VCL: variants seen among roughly 807,000 people sequenced by gnomAD.
The protein encoded by VCL is epididymis luminal protein 114.
A neutral mutation model predicts 125.7 loss-of-function variants in VCL; 47 were observed. That is an observed-to-expected ratio of 0.37 (90% CI 0.30 to 0.48). VCL has a LOEUF of 0.48. Among genes scored for constraint, VCL ranks in the 20% least tolerant of loss-of-function variants. The probability of loss-of-function intolerance (pLI) is 0.99; values close to 1 mark genes in which losing one functional copy is unlikely to be tolerated. For missense variants in VCL, 1,069 were observed against 1,455.5 expected, an observed-to-expected ratio of 0.73 and a Z score of 4.32; for synonymous variants, 458 against 514.6, an observed-to-expected ratio of 0.89 and a Z score of 1.49.
At chr10:74,039,817 T>C (rs1469621784) in intron 1 of VCL, among the ~76,000 whole-genome samples, 2 of 152,146 alleles carry the variant, frequency 1.3e-5, no homozygotes, top group Non-Finnish European at 2.9e-5. Context: ...ATTAATCTCT[T>C]GTTTAGAACT....
intron 6 of VCL, chr10:74,076,089 T>C (rs1249810611): frequency 1.3e-5 from 2 of 152,690 alleles, no homozygotes; most frequent in Non-Finnish European, 2.9e-5. Flanking sequence ...TCTTTTGTTT[T>C]ATTCTTTTTC....
At chr10:74,011,281 G>A (rs1197906730) in intron 1 of VCL, among the ~76,000 whole-genome samples, 1 of 151,866 alleles carries the variant, frequency 6.6e-6, no homozygotes, top group African/African-American at 2.4e-5. Flanking sequence ...TAGGTAAAAA[G>A]GAACTTGTAT....
At chr10:74,009,281 C>T (rs536155252) in intron 1 of VCL, among the ~76,000 whole-genome samples, 45 of 110,088 alleles carry the variant, frequency 4.1e-4, no homozygotes, top group East Asian at 2.1e-3. Flanking sequence ...TTTTTTGAGA[C>T]GGAGTCTCGC....
intron 2 of VCL, among the ~76,000 whole-genome samples, chr10:74,063,513 A>G (rs563377340): frequency 6.6e-6 from 1 of 152,278 alleles, no homozygotes; most frequent in East Asian, 1.9e-4. Flanking sequence ...CTCTGCTTTC[A>G]TTATCATACC....
At chr10:74,066,860 C>T (rs1392147933) in intron 2 of VCL, among the ~76,000 whole-genome samples, 1 of 151,826 alleles carries the variant, frequency 6.6e-6, no homozygotes, top group Admixed American at 6.6e-5. Context: ...TTAGTAGAGA[C>T]GGGGTTTCAC....
chr10:74,012,491 G>A (rs1185313465), intron 1 of VCL, among the ~76,000 whole-genome samples: 1 of 152,140 alleles, frequency 6.6e-6, no homozygotes, highest in Non-Finnish European at 1.5e-5. Flanking sequence ...CAATATAATT[G>A]TTGCAGAATT....
chr10:74,001,422 C>T (rs1321956674), intron 1 of VCL, among the ~76,000 whole-genome samples: 5 of 152,152 alleles, frequency 3.3e-5, no homozygotes, highest in African/African-American at 1.2e-4. Flanking sequence ...GCCTTGGCCT[C>T]TCAAAGTGCT....
chr10:74,018,201 TAAATAC>T (rs1341132615), intron 1 of VCL, among the ~76,000 whole-genome samples: 36 of 139,728 alleles, frequency 2.6e-4, no homozygotes, highest in Non-Finnish European at 4.2e-4. Flanking sequence ...TATATATATA[TAAATAC>T]ATATATATAT....
intron 2 of VCL, among the ~76,000 whole-genome samples, chr10:74,053,529 C>T (rs1389760441): frequency 2.0e-5 from 3 of 151,880 alleles, no homozygotes; most frequent in Non-Finnish European, 4.4e-5. Flanking sequence ...AAATTCTTTT[C>T]TCATATTTAT....
chr10:74,121,051 A>G (rs1468336480), downstream of VCL: 2 of 152,116 alleles, frequency 1.3e-5, no homozygotes, highest in Non-Finnish European at 2.9e-5. Flanking sequence ...GATGATATTG[A>G]TATTTAGTGT....
Position 74,108,986 on chromosome 10 carries a change from G to T in VCL, c.2575G>T (p.Ala859Ser). 2 of 1,614,144 alleles carry T rather than the reference G, an allele frequency of 1.2e-6. No individual in the cohort carries two copies. Among genetic ancestry groups the T allele is most frequent in the Non-Finnish European group, 1.7e-6 (2 of 1,180,014 alleles). Residue 859 changes from alanine (A) to serine (S), a missense_variant, in exon 18 of 22, where the codon GCT becomes TCT. Around this residue, in one of 6 missense-constraint regions of VCL, gnomAD observed 760 missense variants for 928.9 expected, o/e 0.82. Coordinates refer to ENST00000211998, the MANE Select transcript of VCL (RefSeq NM_014000.3). The stretch of plus-strand genomic sequence containing the variant: ...TCTTTTTTAGCTAACAGATGAGCTT[G>T]CTCCTCCCAAACCACCTCTGCCTGA... ...LEQLRLTDEL[A>S]PPKPPLPEGE...
chr10:74,064,709 C>T (rs1841537966), intron 2 of VCL, among the ~76,000 whole-genome samples: 2 of 152,136 alleles, frequency 1.3e-5, no homozygotes. Flanking sequence ...TGCCTGTCCA[C>T]AAAGACACTT....
Position 74,002,787 on chromosome 10 carries a change from C to T in VCL, c.168+4412C>T, listed in dbSNP as rs771421660. On this transcript the variant is annotated intron_variant, in intron 1 of 21. Transcript: ENST00000211998. Reference sequence around the variant, plus strand: ...GTCCCAGCTACTCGGGAGGCTGAGGCGGGAGAATCGCTTGAATCCGGGAGG... The same window carrying T: ...GTCCCAGCTACTCGGGAGGCTGAGGTGGGAGAATCGCTTGAATCCGGGAGG... Among the ~76,000 whole-genome samples, 7 of 148,354 alleles carry T rather than the reference C, an allele frequency of 4.7e-5. No homozygotes were observed. The East Asian group carries it at 6.2e-4, about 13-fold the overall frequency.
chr10:74,035,204 C>T (rs1293751485), intron 1 of VCL, among the ~76,000 whole-genome samples: 1 of 151,088 alleles, frequency 6.6e-6, no homozygotes, highest in Non-Finnish European at 1.5e-5. Flanking sequence ...TCTACATTAA[C>T]ATATTTTTTA....
chr10:74,038,690 C>T (rs575333118), intron 1 of VCL, among the ~76,000 whole-genome samples: 2 of 152,286 alleles, frequency 1.3e-5, no homozygotes, highest in East Asian at 3.9e-4. Context: ...TACTCCTACT[C>T]TTACAAAGAG....
At chr10:74,009,229 C>A (rs1486407065) in intron 1 of VCL, among the ~76,000 whole-genome samples, 1 of 128,458 alleles carries the variant, frequency 7.8e-6, no homozygotes, top group Non-Finnish European at 1.7e-5. Context: ...CCCCCCCCCC[C>A]CGAGCCATTT....
At position 74,066,061 on chromosome 10, in the gene VCL, A is replaced by ATATATATATTT. The variant is rs1441211975; in HGVS notation, c.240-4608_240-4607insATATATATTTT. On this transcript the variant is annotated intron_variant, in intron 2 of 21. Coordinates refer to ENST00000211998, the MANE Select transcript of VCL (RefSeq NM_014000.3). ...AATCAATTTTGGTATATATATATATATTTTTTTTTTTTTTTGAGATGGAGT... is the reference window on the plus strand; with the variant it reads ...AATCAATTTTGGTATATATATATATATATATATATTTTTTTTTTTTTTTTTTGAGATGGAGT... Among the ~76,000 whole-genome samples the ATATATATATTT allele has an allele frequency of 1.4e-3, 187 of 137,470 alleles. 1 individual carries two copies. The highest frequency in any genetic ancestry group is 4.7e-3 in the African/African-American group (177 of 37,970). The allele number at this position is 137,470 out of a possible 152,430, so 90.2% of individuals were successfully genotyped here.
chr10:74,008,414 A>G (rs1409635772), intron 1 of VCL, among the ~76,000 whole-genome samples: 1 of 152,172 alleles, frequency 6.6e-6, no homozygotes, highest in Non-Finnish European at 1.5e-5. Context: ...ATAATGTGAG[A>G]GTATGTTACC....
At chr10:74,024,987 A>T (rs1468199705) in intron 1 of VCL, among the ~76,000 whole-genome samples, 1 of 152,198 alleles carries the variant, frequency 6.6e-6, no homozygotes, top group Non-Finnish European at 1.5e-5. Flanking sequence ...AGCCAAAAAT[A>T]TTAGACATAA....
Sources: allele counts gnomAD v4.1 joint callset (sites outside exome capture counted in the v4.1 genomes callset), GRCh38; gene constraint gnomAD v4.1.1; regional missense constraint gnomAD v4.1.1; transcripts MANE v1.5; gene names NCBI Gene and HGNC (gene_info 2026-07-23, HGNC 2026-07-21).